The following CFAP54 variants were observed in gnomAD, a reference collection of about 807,000 sequenced individuals.
CFAP54 encodes cilia and flagella associated protein 54.
A neutral mutation model predicts 370.4 loss-of-function variants in CFAP54; 290 were observed. The ratio of observed to expected loss-of-function variants is 0.78; its 90% CI spans 0.71 to 0.86. The LOEUF is 0.86. Among genes scored for constraint, CFAP54 ranks in the 40% least tolerant of loss-of-function variants. CFAP54 has a pLI of 0.00. For missense variants in CFAP54, 3,399 were observed against 3,528.7 expected, an observed-to-expected ratio of 0.96 and a Z score of 0.93; for synonymous variants, 1,206 against 1,236.5, an observed-to-expected ratio of 0.98 and a Z score of 0.52.
At chr12:96,682,163 A>T in intron 40 of CFAP54, 1 of 984,574 alleles carries the variant, frequency 1.0e-6, no homozygotes, top group Non-Finnish European at 1.2e-6. Context: ...GAAATAAATG[A>T]TTCAAAATGT....
At chr12:96,792,194 G>T (rs951267093) in intron 62 of CFAP54, 135 bp from the exon 63 acceptor site, 2 of 725,550 alleles carry the variant, frequency 2.8e-6, no homozygotes, top group East Asian at 2.9e-5. Context: ...GTAAGCCAGG[G>T]TTAGTTTTAA....
At chr12:96,641,297 C>A (rs1409420455) in intron 32 of CFAP54, among the ~76,000 whole-genome samples, 4 of 152,172 alleles carry the variant, frequency 2.6e-5, no homozygotes, top group Admixed American at 2.6e-4. Context: ...CAAAAGAAGA[C>A]ATCTATGCAG....
At chr12:96,523,886 C>T (rs768786321) in intron 8 of CFAP54, among the ~76,000 whole-genome samples, 19 of 150,706 alleles carry the variant, frequency 1.3e-4, no homozygotes, top group Non-Finnish European at 2.4e-4. Flanking sequence ...TCTGATTTCC[C>T]TTAAGATAAT....
intron 33 of CFAP54, chr12:96,647,042 T>C (rs1032119951): frequency 6.6e-6 from 1 of 152,122 alleles, no homozygotes; most frequent in Non-Finnish European, 1.5e-5. Context: ...ACATGGCACA[T>C]GTATACGTAT....
intron 63 of CFAP54, among the ~76,000 whole-genome samples, chr12:96,806,146 T>C (rs1176204263): frequency 9.8e-6 from 1 of 102,514 alleles, no homozygotes; most frequent in African/African-American, 3.6e-5. Flanking sequence ...AGCCAAGACT[T>C]TGTCACTAGC....
intron 62 of CFAP54, among the ~76,000 whole-genome samples, chr12:96,788,428 G>GA (rs550503079): frequency 2.6e-5 from 4 of 152,188 alleles, no homozygotes; most frequent in South Asian, 2.1e-4. Context: ...TTCAAAACTA[G>GA]AAAAAAATCA....
At chr12:96,645,904 A>G in intron 33 of CFAP54, 1 of 152,246 alleles carries the variant, frequency 6.6e-6, no homozygotes, top group Non-Finnish European at 1.5e-5. Context: ...CATATTTAGA[A>G]AGTTGAAACT....
chr12:96,785,560 A>G (rs893909441), intron 61 of CFAP54, among the ~76,000 whole-genome samples: 7 of 152,178 alleles, frequency 4.6e-5, no homozygotes, highest in African/African-American at 1.7e-4. Context: ...CACAGTTACC[A>G]GGAGCTCACA....
intron 67 of CFAP54, among the ~76,000 whole-genome samples, chr12:96,868,718 A>G (rs1281959113): frequency 6.6e-6 from 1 of 152,192 alleles, no homozygotes; most frequent in Non-Finnish European, 1.5e-5. Context: ...CATGGTAGAA[A>G]AGTAAGATGG....
At chr12:96,504,126 T>C in intron 3 of CFAP54, 97 bp downstream of exon 3, 1 of 1,161,186 alleles carries the variant, frequency 8.6e-7, no homozygotes, top group Non-Finnish European at 1.2e-6. Flanking sequence ...TGGCTTAGCA[T>C]AGCATCTAGC....
intron 63 of CFAP54, among the ~76,000 whole-genome samples, chr12:96,806,211 T>TATAG (rs1958879385): frequency 1.5e-5 from 1 of 65,130 alleles, no homozygotes; most frequent in Non-Finnish European, 3.0e-5. Flanking sequence ...TATATATATA[T>TATAG]ATAATAACAA....
chr12:96,730,302 C>G (rs1957906614), intron 50 of CFAP54, among the ~76,000 whole-genome samples: 1 of 152,122 alleles, frequency 6.6e-6, no homozygotes, highest in South Asian at 2.1e-4. Flanking sequence ...TAGAGGTTAA[C>G]CCAGGAAATG....
intron 14 of CFAP54, among the ~76,000 whole-genome samples, chr12:96,546,784 A>G (rs576888577): frequency 2.5e-3 from 374 of 148,984 alleles, no homozygotes; most frequent in South Asian, 8.2e-3. Flanking sequence ...AGCCGAGATC[A>G]TGCCACTGCC....
intron 5 of CFAP54, among the ~76,000 whole-genome samples, chr12:96,517,251 C>T (rs1955246239): frequency 6.6e-6 from 1 of 152,084 alleles, no homozygotes; most frequent in Admixed American, 6.6e-5. Context: ...TTTGGGAGTT[C>T]AAAGACCTGA....
In CFAP54 at chr12:96,630,579, G is replaced by A; in HGVS notation, c.4244G>A (p.Ser1415Asn). The A allele has an allele frequency of 6.7e-7, 1 of 1,486,124 alleles. No homozygotes were observed. Among genetic ancestry groups the A allele is most frequent in the Non-Finnish European group, 8.9e-7 (1 of 1,122,522 alleles). The allele number at this position is 1,486,124 out of a possible 1,614,324, so 92.1% of individuals were successfully genotyped here. ...GCAGAAATGCAACAAAGAATAAGAA[G>A]TAAAAAAAAGGAAACTCTAAGAGAT... ...RSAEMQQRIR[S>N]KKKETLRDFI... Residue 1415 changes from serine to asparagine, a missense_variant, in exon 32 of 68, where the codon AGT becomes AAT. By Grantham distance (46) the Ser-to-Asn change is conservative. This residue lies in a region of CFAP54 where 2,796 missense variants were observed against 2,869.7 expected (regional missense o/e 0.97). Coordinates refer to ENST00000524981, the MANE Select transcript of CFAP54 (RefSeq NM_001306084.2).
At chr12:96,609,011 A>G (rs815881) in intron 26 of CFAP54, among the ~76,000 whole-genome samples, 104,951 of 152,134 alleles carry the variant, frequency 0.69, 36,344 homozygotes, top group Admixed American at 0.71. Context: ...TCAAATGTAT[A>G]CTATTTCAAG....
Position 96,544,265 on chromosome 12 carries a change from C to G in CFAP54, c.2077+3278C>G, listed in dbSNP as rs575827247. On this transcript the variant is annotated intron_variant, in intron 14 of 67. Transcript: ENST00000524981. ...TTTCCTAAGTGACTAAAACAATAAG[C>G]ATACCTTTTGTTAAAGAGTGGCTTT... Among the ~76,000 whole-genome samples, 7 of 152,226 alleles carry G rather than the reference C, an allele frequency of 4.6e-5. No individual in the cohort carries two copies. The South Asian group carries it at 1.4e-3, about 32-fold the overall frequency.
chr12:96,769,243 A>C (rs1481852373), intron 60 of CFAP54, among the ~76,000 whole-genome samples: 1 of 152,218 alleles, frequency 6.6e-6, no homozygotes, highest in Non-Finnish European at 1.5e-5. Flanking sequence ...AAAATTATTA[A>C]ATTCTGTATT....
chr12:96,630,471 A>G, intron 31 of CFAP54, 80 bp from the exon 32 acceptor site: 1 of 736,678 alleles, frequency 1.4e-6, no homozygotes, highest in Non-Finnish European at 2.0e-6. Flanking sequence ...GTCAAGAGAT[A>G]AGCATTAGAG....
Sources: gnomAD v4.1 joint callset for allele counts (sites outside exome capture counted in the v4.1 genomes callset) on GRCh38, gnomAD v4.1.1 for gene constraint, gnomAD v4.1.1 regional missense constraint, MANE v1.5 for transcripts, NCBI Gene and HGNC (gene_info 2026-07-23, HGNC 2026-07-21) for gene names.